Variants in NIPSNAP2 observed in about 807,000 individuals in gnomAD.
The protein encoded by NIPSNAP2 is nipsnap homolog 2.
In NIPSNAP2, 42 loss-of-function variants were observed where a neutral mutation model predicts 48.4. The ratio of observed to expected loss-of-function variants is 0.87; its 90% CI spans 0.68 to 1.12. NIPSNAP2 has a LOEUF of 1.12. NIPSNAP2 is among the 50% of genes most tolerant of loss of function. The probability of loss-of-function intolerance (pLI) is 0.00; values close to 1 mark genes in which losing one functional copy is unlikely to be tolerated. For synonymous variants in NIPSNAP2, 158 were observed against 126.6 expected, an observed-to-expected ratio of 1.25 and a Z score of -1.67; for missense variants, 314 against 347.3, an observed-to-expected ratio of 0.90 and a Z score of 0.76.
intron 7 of NIPSNAP2, 108 bp downstream of exon 7, chr7:55,984,986 A>C (rs146333157): frequency 1.3e-6 from 1 of 785,230 alleles, no homozygotes. Flanking sequence ...GTGACTTAAC[A>C]CTGCACTAAT....
chr7:55,996,923 G>GT (rs1426283365), intron 8 of NIPSNAP2, among the ~76,000 whole-genome samples: 1 of 152,098 alleles, frequency 6.6e-6, no homozygotes, highest in African/African-American at 2.4e-5. Context: ...GCTCACCCCT[G>GT]TAATTCTAGC....
intron 8 of NIPSNAP2, among the ~76,000 whole-genome samples, chr7:55,996,724 G>A (rs1005008428): frequency 6.6e-6 from 1 of 152,176 alleles, no homozygotes. Flanking sequence ...TCACTAGATT[G>A]TAAAGCTTAA....
At chr7:55,968,485 A>G (rs1251320160) in intron 1 of NIPSNAP2, among the ~76,000 whole-genome samples, 1 of 151,316 alleles carries the variant, frequency 6.6e-6, no homozygotes, top group East Asian at 2.0e-4. Context: ...TCCCGGGTTC[A>G]AGTGATTCTC....
At chr7:55,987,925 A>AC (rs1787364210) in intron 7 of NIPSNAP2, among the ~76,000 whole-genome samples, 1 of 152,202 alleles carries the variant, frequency 6.6e-6, no homozygotes, top group Non-Finnish European at 1.5e-5. Flanking sequence ...AAAATGGGTA[A>AC]GATGGTAAAT....
intron 7 of NIPSNAP2, among the ~76,000 whole-genome samples, chr7:55,990,443 G>A (rs1770461091): frequency 6.6e-6 from 1 of 152,106 alleles, no homozygotes; most frequent in Non-Finnish European, 1.5e-5. Flanking sequence ...GTGTTAGCCA[G>A]GATGGCCTCG....
At chr7:55,995,548 G>A (rs1787545318) in intron 8 of NIPSNAP2, among the ~76,000 whole-genome samples, 1 of 152,186 alleles carries the variant, frequency 6.6e-6, no homozygotes, top group Non-Finnish European at 1.5e-5. Flanking sequence ...CCAGAGCCTT[G>A]TGTGGTGCTG....
rs376542631 is a variant in NIPSNAP2 at position 55,978,110 on chromosome 7, C to T, written c.93-16C>T. On this transcript the variant is annotated splice_polypyrimidine_tract_variant and intron_variant, in intron 1 of 9. Transcript: ENST00000322090. ...AAAACAGTATACTGCGTGACAACAC[C>T]TTTGTTATTCCATAGGACATGGACA... 3.7e-6 allele frequency: 6 copies of T among 1,613,622 alleles called. No individual in the cohort carries two copies. The African/African-American group carries it at 5.3e-5, about 14-fold the overall frequency.
intron 1 of NIPSNAP2, 90 bp downstream of exon 1, chr7:55,964,791 G>T: frequency 3.2e-6 from 2 of 617,026 alleles, no homozygotes; most frequent in Non-Finnish European, 4.3e-6. Flanking sequence ...CTCCGCCCCG[G>T]CCCTGTCCCC....
intron 1 of NIPSNAP2, among the ~76,000 whole-genome samples, chr7:55,971,344 G>A (rs541377437): frequency 6.2e-4 from 94 of 152,258 alleles, no homozygotes; most frequent in Middle Eastern, 3.4e-3. Flanking sequence ...TGCCACTCAG[G>A]TTCTTTTGTG....
chr7:55,997,678 T>C (rs1787590552), intron 9 of NIPSNAP2, among the ~76,000 whole-genome samples: 1 of 152,208 alleles, frequency 6.6e-6, no homozygotes. Context: ...GTTACAGTTT[T>C]CAGACCCTTG....
chr7:55,985,055 T>G (rs1225113918), intron 7 of NIPSNAP2, among the ~76,000 whole-genome samples, 177 bp downstream of exon 7: 1 of 152,174 alleles, frequency 6.6e-6, no homozygotes, highest in Non-Finnish European at 1.5e-5. Context: ...GAGAGAATAA[T>G]GGGGCTCCCC....
At chr7:55,988,417 A>G (rs1787374701) in intron 7 of NIPSNAP2, among the ~76,000 whole-genome samples, 1 of 152,128 alleles carries the variant, frequency 6.6e-6, no homozygotes, top group Non-Finnish European at 1.5e-5. Flanking sequence ...ATAATGGGAT[A>G]CCAGTTCCTG....
chr7:55,990,861 C>T (rs1189018502), intron 7 of NIPSNAP2, among the ~76,000 whole-genome samples: 5 of 150,618 alleles, frequency 3.3e-5, no homozygotes, highest in Non-Finnish European at 5.9e-5. Context: ...AGTCTCGGCT[C>T]ACTCCAATCT....
chr7:55,991,978 G>A (rs1200192432), intron 7 of NIPSNAP2: 1 of 162,022 alleles, frequency 6.2e-6, no homozygotes, highest in Non-Finnish European at 1.4e-5. Context: ...ATGAAAGCCA[G>A]GTTTTTTTCT....
chr7:55,994,153 C>T (rs149444652), intron 7 of NIPSNAP2, among the ~76,000 whole-genome samples: 1 of 152,138 alleles, frequency 6.6e-6, no homozygotes. Flanking sequence ...GTCCCTGTCT[C>T]CCTTGGGTAC....
chr7:55,966,081 C>T (rs1339867273), intron 1 of NIPSNAP2, among the ~76,000 whole-genome samples: 1 of 152,076 alleles, frequency 6.6e-6, no homozygotes, highest in Non-Finnish European at 1.5e-5. Context: ...CCGGAGCTTA[C>T]CAGTAATTCA....
intron 7 of NIPSNAP2, among the ~76,000 whole-genome samples, chr7:55,988,335 T>C (rs753128938): frequency 6.6e-6 from 1 of 151,996 alleles, no homozygotes; most frequent in Non-Finnish European, 1.5e-5. Flanking sequence ...CCAAAGAAAA[T>C]ACATGAATGC....
chr7:55,994,135 C>T (rs1188898241), intron 7 of NIPSNAP2, among the ~76,000 whole-genome samples: 1 of 152,124 alleles, frequency 6.6e-6, no homozygotes, highest in Non-Finnish European at 1.5e-5. Context: ...CGCCCTGCCC[C>T]AGGGGTGGTC....
intron 9 of NIPSNAP2, among the ~76,000 whole-genome samples, chr7:55,998,738 A>G (rs984900274): frequency 3.3e-5 from 5 of 151,984 alleles, no homozygotes; most frequent in African/African-American, 1.2e-4. Flanking sequence ...TGACCTCGTG[A>G]TCCACCTGCC....
Sources: gnomAD v4.1 joint callset for allele counts (sites outside exome capture counted in the v4.1 genomes callset) on GRCh38, gnomAD v4.1.1 for gene constraint, MANE v1.5 for transcripts, NCBI Gene and HGNC (gene_info 2026-07-23, HGNC 2026-07-21) for gene names.